Variants in NDST3 observed in about 807,000 individuals in gnomAD.
NDST3 encodes the protein bifunctional heparan sulfate N-deacetylase/N-sulfotransferase 3.
NDST3 carries 58 observed loss-of-function variants against 96.1 expected under a neutral mutation model. That is an observed-to-expected ratio of 0.60 (90% CI 0.49 to 0.75). The LOEUF (loss-of-function observed/expected upper bound fraction) is 0.75. Among genes scored for constraint, NDST3 ranks in the 30% least tolerant of loss-of-function variants. The probability of loss-of-function intolerance (pLI) is 0.00; values close to 1 mark genes in which losing one functional copy is unlikely to be tolerated. For synonymous variants in NDST3, 333 were observed against 359.7 expected (o/e 0.93, Z 0.84); for missense variants, 788 against 1,034.2 (o/e 0.76, Z 3.27).
intron 4 of NDST3, among the ~76,000 whole-genome samples, chr4:118,137,573 C>T (rs1318143490): frequency 6.6e-6 from 1 of 152,182 alleles, no homozygotes; most frequent in East Asian, 1.9e-4. Flanking sequence ...GAAAGGACAA[C>T]AGAAATGTGG....
At chr4:118,097,096 G>A (rs560258202) in intron 2 of NDST3, among the ~76,000 whole-genome samples, 1 of 152,024 alleles carries the variant, frequency 6.6e-6, no homozygotes, top group South Asian at 2.1e-4. Context: ...CTAATTGAAT[G>A]TTAGTCTCAT....
chr4:118,195,680 C>T (rs1217782876), intron 6 of NDST3, among the ~76,000 whole-genome samples: 1 of 152,200 alleles, frequency 6.6e-6, no homozygotes, highest in Non-Finnish European at 1.5e-5. Context: ...TATACAAATG[C>T]TACTGATTTT....
intron 3 of NDST3, among the ~76,000 whole-genome samples, chr4:118,110,691 T>C (rs756591326): frequency 2.0e-5 from 3 of 152,162 alleles, no homozygotes; most frequent in Non-Finnish European, 2.9e-5. Context: ...TCATAAGATT[T>C]CAGCATAGTT....
chr4:118,045,541 GATAA>G (rs1484435776), intron 1 of NDST3, among the ~76,000 whole-genome samples: 3 of 152,080 alleles, frequency 2.0e-5, no homozygotes, highest in South Asian at 4.2e-4. Flanking sequence ...TAATTTAAAA[GATAA>G]ATAACACATT....
rs113840284 is a variant in NDST3, at chr4:118,154,275, T to G, written c.1539+10591T>G. 6.8e-4 allele frequency among the ~76,000 whole-genome samples: 103 copies of G among 152,326 alleles called. 1 individual carries two copies. Among genetic ancestry groups the G allele is most frequent in the African/African-American group, 2.3e-3 (94 of 41,566 alleles). ...AACACCTGCCCCACAGTGTGATTAT[T>G]TGTGTGTGCATCTTTTCTACTGTAT... On this transcript the variant is annotated intron_variant, in intron 6 of 13. Coordinates refer to ENST00000296499, the MANE Select transcript of NDST3 (RefSeq NM_004784.3).
intron 2 of NDST3, among the ~76,000 whole-genome samples, chr4:118,057,282 T>C (rs1226901134): frequency 6.6e-6 from 1 of 152,022 alleles, no homozygotes; most frequent in Non-Finnish European, 1.5e-5. Context: ...AGGATCATAG[T>C]GAAGATCATT....
intron 12 of NDST3, among the ~76,000 whole-genome samples, chr4:118,247,977 C>A (rs1197511581): frequency 6.6e-6 from 1 of 152,156 alleles, no homozygotes; most frequent in African/African-American, 2.4e-5. Context: ...TTCAGACATA[C>A]TTTAGTCTTC....
chr4:118,036,580 A>AT (rs1724162759), intron 1 of NDST3, among the ~76,000 whole-genome samples: 1 of 152,202 alleles, frequency 6.6e-6, no homozygotes, highest in Non-Finnish European at 1.5e-5. Context: ...GACCTACATT[A>AT]TAAAGATAAT....
At chr4:118,164,420 A>C (rs1181547261) in intron 6 of NDST3, among the ~76,000 whole-genome samples, 1 of 152,164 alleles carries the variant, frequency 6.6e-6, no homozygotes, top group Non-Finnish European at 1.5e-5. Context: ...GTGATGAAAT[A>C]ATCTGTACAT....
Position 118,127,160 on chromosome 4 carries a change from T to A in NDST3, c.1225-10894T>A, listed in dbSNP as rs144754686. On this transcript the variant is annotated intron_variant, in intron 4 of 13. Coordinates refer to ENST00000296499, the MANE Select transcript of NDST3 (RefSeq NM_004784.3). ...TCTGTGGGTTGTCTCTTCACTTTGT[T>A]GAATGTTTTGTTTGCTGTGTAGAAG... 4.6e-5 allele frequency among the ~76,000 whole-genome samples: 7 copies of A among 152,144 alleles called. No individual in the cohort carries two copies. In the East Asian group the frequency reaches 1.4e-3, roughly 29 times the overall value.
intron 6 of NDST3, among the ~76,000 whole-genome samples, chr4:118,184,793 T>C (rs916825699): frequency 2.0e-5 from 3 of 152,200 alleles, no homozygotes; most frequent in Non-Finnish European, 4.4e-5. Flanking sequence ...TACTATGTAC[T>C]TACTTGCTGT....
chr4:118,252,060 G>A (rs530780651), intron 12 of NDST3, among the ~76,000 whole-genome samples: 2 of 152,128 alleles, frequency 1.3e-5, no homozygotes, highest in South Asian at 4.1e-4. Context: ...GCAAAGTGTT[G>A]GAAGTAGCAT....
intron 2 of NDST3, among the ~76,000 whole-genome samples, chr4:118,098,302 A>G (rs1235567856): frequency 6.6e-6 from 1 of 152,006 alleles, no homozygotes; most frequent in African/African-American, 2.4e-5. Context: ...TTTCTGCACA[A>G]TTGAATGAAT....
chr4:118,129,312 T>C (rs987508087), intron 4 of NDST3, among the ~76,000 whole-genome samples: 7 of 151,982 alleles, frequency 4.6e-5, no homozygotes, highest in Non-Finnish European at 7.4e-5. Context: ...TTTTTTGATG[T>C]AGGCACTTAC....
At chr4:118,054,916 C>A in intron 2 of NDST3, 25 bp downstream of exon 2, 2 of 1,602,954 alleles carry the variant, frequency 1.2e-6, no homozygotes, top group South Asian at 2.2e-5. Context: ...TCTCAAGTTT[C>A]AAAGTTCAGT....
chr4:118,074,587 T>G (rs1178282849), intron 2 of NDST3, among the ~76,000 whole-genome samples: 1 of 152,218 alleles, frequency 6.6e-6, no homozygotes, highest in East Asian at 1.9e-4. Flanking sequence ...GTTTTCTGTT[T>G]GCTTCACAGA....
chr4:118,217,577 T>C (rs1038914343), intron 6 of NDST3, among the ~76,000 whole-genome samples: 3 of 152,060 alleles, frequency 2.0e-5, no homozygotes, highest in Non-Finnish European at 4.4e-5. Context: ...TTGCCCTATA[T>C]AAAAATAAAC....
At chr4:118,153,109 C>A (rs1006329747) in intron 6 of NDST3, among the ~76,000 whole-genome samples, 2 of 152,324 alleles carry the variant, frequency 1.3e-5, no homozygotes, top group African/African-American at 4.8e-5. Flanking sequence ...TGAGAACAGT[C>A]ATTATGGTTT....
At chr4:118,156,890 C>T (rs912805875) in intron 6 of NDST3, among the ~76,000 whole-genome samples, 6 of 152,200 alleles carry the variant, frequency 3.9e-5, no homozygotes, top group Non-Finnish European at 5.9e-5. Context: ...TTAACAACAT[C>T]TAACAAATCT....
Sources: allele counts gnomAD v4.1 joint callset (sites outside exome capture counted in the v4.1 genomes callset), GRCh38; gene constraint gnomAD v4.1.1; transcripts MANE v1.5; gene names NCBI Gene and HGNC (gene_info 2026-07-23, HGNC 2026-07-21).